The following MAGI3 variants were observed in gnomAD, a reference collection of about 807,000 sequenced individuals.
MAGI3 encodes the protein membrane associated guanylate kinase, WW and PDZ domain containing 3, also known as membrane-associated guanylate kinase, WW and PDZ domain-containing protein 3.
A neutral mutation model predicts 121.8 loss-of-function variants in MAGI3; 43 were observed. The ratio of observed to expected loss-of-function variants is 0.35; its 90% CI spans 0.28 to 0.46. The LOEUF (loss-of-function observed/expected upper bound fraction) is 0.46, where lower values mean the gene tolerates loss of function less well. MAGI3 is among the 20% of genes least tolerant of loss of function. The probability of loss-of-function intolerance (pLI) is 1.00; values close to 1 mark genes in which losing one functional copy is unlikely to be tolerated. For missense variants in MAGI3, 1,547 were observed against 1,797.3 expected (o/e 0.86, Z 2.52); for synonymous variants, 553 against 639.3 (o/e 0.86, Z 2.04).
intron 2 of MAGI3, among the ~76,000 whole-genome samples, chr1:113,552,435 A>G (rs1659824838): frequency 6.6e-6 from 1 of 152,162 alleles, no homozygotes. Flanking sequence ...TTTGGTAGCA[A>G]TCTAATTTTC....
chr1:113,558,730 C>G (rs1307137574), intron 2 of MAGI3, among the ~76,000 whole-genome samples: 2 of 152,058 alleles, frequency 1.3e-5, no homozygotes, highest in Admixed American at 1.3e-4. Context: ...GTAAGATACT[C>G]CATGAGAAAA....
intron 1 of MAGI3, among the ~76,000 whole-genome samples, chr1:113,463,737 G>T (rs920815007): frequency 7.2e-5 from 11 of 151,984 alleles, no homozygotes; most frequent in Non-Finnish European, 1.5e-5. Flanking sequence ...GAGAGGAATT[G>T]GTAGAGTACC....
intron 19 of MAGI3, among the ~76,000 whole-genome samples, chr1:113,678,738 C>T (rs1475235887): frequency 6.6e-6 from 1 of 152,128 alleles, no homozygotes; most frequent in Non-Finnish European, 1.5e-5. Flanking sequence ...CTAATATTAT[C>T]CTCATTTAAC....
At chr1:113,677,616 T>C (rs934621032) in intron 19 of MAGI3, among the ~76,000 whole-genome samples, 6 of 152,242 alleles carry the variant, frequency 3.9e-5, no homozygotes, top group African/African-American at 1.4e-4. Context: ...TTAATACATT[T>C]GTAGTGGATG....
At chr1:113,506,277 T>G (rs1243354407) in intron 1 of MAGI3, among the ~76,000 whole-genome samples, 1 of 152,194 alleles carries the variant, frequency 6.6e-6, no homozygotes, top group Non-Finnish European at 1.5e-5. Flanking sequence ...TATACTTTAG[T>G]GCCCCCAGCA....
chr1:113,565,086 G>A (rs757277047), intron 2 of MAGI3, among the ~76,000 whole-genome samples: 8 of 151,894 alleles, frequency 5.3e-5, no homozygotes, highest in Non-Finnish European at 1.0e-4. Flanking sequence ...CTGACCTCAG[G>A]TGATCCGCCC....
At chr1:113,525,687 G>GGA (rs1317734738) in intron 1 of MAGI3, among the ~76,000 whole-genome samples, 3 of 151,688 alleles carry the variant, frequency 2.0e-5, no homozygotes, top group African/African-American at 7.3e-5. Flanking sequence ...AATAAATAAT[G>GGA]GAGATAATTT....
chr1:113,643,751 T>C lies in MAGI3; in HGVS notation c.1975T>C (p.Ser659Pro). 6.2e-7 allele frequency: 1 copy of C among 1,614,022 alleles called. No homozygotes were observed. The highest frequency in any genetic ancestry group is 2.2e-5 in the East Asian group (1 of 44,872). ...PLLILRGGPP[S>P]PTKTAKMKTD... ...TTCATTTTTTTTTTAAGGTCCTCCT[T>C]CACCAACCAAAACTGCCAAAATGGT... The change falls in exon 11 of 21, where the codon TCA becomes CCA. Residue 659 changes from serine to proline, a missense_variant. Transcript: ENST00000307546.
chr1:113,672,570 T>C (rs1212045366), intron 17 of MAGI3, 45 bp from the exon 18 acceptor site: 9 of 1,578,550 alleles, frequency 5.7e-6, no homozygotes, highest in African/African-American at 1.4e-5. Flanking sequence ...AGACTGTTTT[T>C]CATTTTCTCA....
intron 3 of MAGI3, among the ~76,000 whole-genome samples, chr1:113,581,350 T>G (rs534205285): frequency 6.6e-6 from 1 of 152,270 alleles, no homozygotes; most frequent in African/African-American, 2.4e-5. Flanking sequence ...TTATCTTCAG[T>G]GCCTAAAGAT....
At position 113,622,925 on chromosome 1, in the gene MAGI3, G is replaced by A; in HGVS notation, c.1291G>A (p.Asp431Asn). The A allele has an allele frequency of 6.3e-7, 1 of 1,592,658 alleles. No individual in the cohort carries two copies. The highest frequency in any genetic ancestry group is 1.4e-5 in the African/African-American group (1 of 73,632). ...GFTIIGGDRP[D>N]EFLQVKNVLK... ...TACTATTATTGGTGGAGATAGACCTGATGAGTTCCTACAAGTGAAAAATGT... is the reference window on the plus strand; with the variant it reads ...TACTATTATTGGTGGAGATAGACCTAATGAGTTCCTACAAGTGAAAAATGT... The change falls in exon 9 of 21, where the codon GAT becomes AAT. Residue 431 changes from aspartate (D) to asparagine (N), a missense_variant. Physicochemically the swap from Asp to Asn is conservative, Grantham distance 23 (BLOSUM62 1). Transcript: ENST00000307546.
At chr1:113,463,657 A>G (rs1163525102) in intron 1 of MAGI3, among the ~76,000 whole-genome samples, 1 of 152,062 alleles carries the variant, frequency 6.6e-6, no homozygotes, top group Non-Finnish European at 1.5e-5. Flanking sequence ...ATTTTACAAT[A>G]AATTTTGCTG....
At chr1:113,430,223 G>A (rs759061258) in intron 1 of MAGI3, among the ~76,000 whole-genome samples, 3 of 152,106 alleles carry the variant, frequency 2.0e-5, no homozygotes, top group Non-Finnish European at 4.4e-5. Flanking sequence ...GAAGAGGTTG[G>A]AGTAGCTGCT....
At chr1:113,641,755 GAGA>G (rs1557869594) in intron 9 of MAGI3, among the ~76,000 whole-genome samples, 153 bp from the exon 10 acceptor site, 1 of 152,072 alleles carries the variant, frequency 6.6e-6, no homozygotes, top group Non-Finnish European at 1.5e-5. Context: ...TTAGAAAAGG[GAGA>G]AGGTCTGTGT....
At chr1:113,519,697 A>C (rs1352157401) in intron 1 of MAGI3, among the ~76,000 whole-genome samples, 1 of 152,196 alleles carries the variant, frequency 6.6e-6, no homozygotes, top group African/African-American at 2.4e-5. Flanking sequence ...TTGAGTTGTG[A>C]CAACACATAT....
chr1:113,551,047 C>A (rs1360738820), intron 2 of MAGI3, among the ~76,000 whole-genome samples: 2 of 151,662 alleles, frequency 1.3e-5, no homozygotes, highest in Non-Finnish European at 2.9e-5. Context: ...TGGCTTCTTC[C>A]CTTCCTCCCT....
intron 6 of MAGI3, among the ~76,000 whole-genome samples, chr1:113,610,938 A>C (rs1557851356): frequency 6.6e-6 from 1 of 152,068 alleles, no homozygotes; most frequent in Non-Finnish European, 1.5e-5. Context: ...ATCTCAAAAA[A>C]AAATAAAAAA....
intron 1 of MAGI3, among the ~76,000 whole-genome samples, chr1:113,395,754 C>T (rs1483978057): frequency 6.6e-6 from 1 of 151,778 alleles, no homozygotes; most frequent in Non-Finnish European, 1.5e-5. Context: ...ATTGATCCTG[C>T]CCTCACCCCC....
intron 1 of MAGI3, among the ~76,000 whole-genome samples, chr1:113,440,431 A>G (rs1177483702): frequency 6.6e-6 from 1 of 152,200 alleles, no homozygotes; most frequent in African/African-American, 2.4e-5. Context: ...CAGGTGTTAC[A>G]TTTAAAGCAG....
Sources: allele counts gnomAD v4.1 joint callset (sites outside exome capture counted in the v4.1 genomes callset), GRCh38; gene constraint gnomAD v4.1.1; transcripts MANE v1.5; gene names NCBI Gene and HGNC (gene_info 2026-07-23, HGNC 2026-07-21).